The following DCC variants were observed in gnomAD, a reference collection of about 807,000 sequenced individuals.
DCC encodes netrin receptor DCC.
DCC carries 58 observed loss-of-function variants against 172.5 expected under a neutral mutation model. The ratio of observed to expected loss-of-function variants is 0.34; its 90% CI spans 0.27 to 0.42. The LOEUF (loss-of-function observed/expected upper bound fraction) is 0.42. Ranked by LOEUF, DCC falls within the 10% of genes least tolerant of loss-of-function variation. The pLI, the probability that DCC is intolerant of heterozygous loss-of-function variation, is 1.00. For missense variants in DCC, 1,740 were observed against 1,791.0 expected, an observed-to-expected ratio of 0.97 and a Z score of 0.51; for synonymous variants, 709 against 644.5, an observed-to-expected ratio of 1.10 and a Z score of -1.52.
At chr18:52,946,753 T>G (rs2040552623) in intron 5 of DCC, among the ~76,000 whole-genome samples, 1 of 152,210 alleles carries the variant, frequency 6.6e-6, no homozygotes, top group South Asian at 2.1e-4. Context: ...TCCACCCACC[T>G]TGAAAACTTG....
At chr18:52,607,846 C>A (rs2034169255) in intron 1 of DCC, among the ~76,000 whole-genome samples, 1 of 152,066 alleles carries the variant, frequency 6.6e-6, no homozygotes, top group Non-Finnish European at 1.5e-5. Flanking sequence ...GAGATCTGGG[C>A]TTCAGAGAAA....
At chr18:52,434,459 G>A (rs534382781) in intron 1 of DCC, among the ~76,000 whole-genome samples, 1 of 152,262 alleles carries the variant, frequency 6.6e-6, no homozygotes, top group African/African-American at 2.4e-5. Context: ...GAGATAAAAT[G>A]TTAAATTGCT....
chr18:53,352,293 C>T (rs542135691), intron 15 of DCC, among the ~76,000 whole-genome samples: 17 of 152,218 alleles, frequency 1.1e-4, no homozygotes, highest in Admixed American at 7.2e-4. Flanking sequence ...GAGCTGGATT[C>T]ATAGCCAACT....
chr18:53,093,800 G>A (rs1951358247), intron 7 of DCC, among the ~76,000 whole-genome samples: 1 of 152,126 alleles, frequency 6.6e-6, no homozygotes, highest in Admixed American at 6.5e-5. Flanking sequence ...AGACACTAAA[G>A]AGCTTCATCT....
At chr18:52,490,794 C>A (rs1417640603) in intron 1 of DCC, among the ~76,000 whole-genome samples, 1 of 152,058 alleles carries the variant, frequency 6.6e-6, no homozygotes, top group Non-Finnish European at 1.5e-5. Context: ...AAGACCCCAC[C>A]TCTTGTGAGG....
At chr18:53,153,649 ATAT>A (rs1296315125) in intron 7 of DCC, among the ~76,000 whole-genome samples, 4 of 152,216 alleles carry the variant, frequency 2.6e-5, no homozygotes, top group Admixed American at 2.6e-4. Context: ...ATGCTTTTTA[ATAT>A]TATGTTACTT....
intron 7 of DCC, among the ~76,000 whole-genome samples, chr18:53,074,449 C>T (rs1260955605): frequency 1.3e-5 from 2 of 152,096 alleles, no homozygotes; most frequent in African/African-American, 4.8e-5. Flanking sequence ...TTCCCTAGAA[C>T]GTTTTCCTTT....
intron 14 of DCC, among the ~76,000 whole-genome samples, chr18:53,330,594 G>A (rs762387086): frequency 2.6e-5 from 4 of 152,024 alleles, no homozygotes; most frequent in Non-Finnish European, 5.9e-5. Flanking sequence ...ATGTCAGTTC[G>A]CTGCTCAGAT....
intron 1 of DCC, among the ~76,000 whole-genome samples, chr18:52,387,622 CCTTCCTTCCTTCTG>C: frequency 6.6e-6 from 1 of 151,292 alleles, no homozygotes; most frequent in Admixed American, 6.6e-5. Context: ...TTCCTTCCTT[CCTTCCTTCCTTCTG>C]TCCTTCCAGC....
chr18:52,976,623 T>G (rs2041123592), intron 5 of DCC, among the ~76,000 whole-genome samples: 1 of 152,240 alleles, frequency 6.6e-6, no homozygotes, highest in African/African-American at 2.4e-5. Flanking sequence ...AATCTCTCCC[T>G]TTCACAAATA....
chr18:52,652,453 C>G (rs571127571), intron 1 of DCC, among the ~76,000 whole-genome samples: 1 of 152,112 alleles, frequency 6.6e-6, no homozygotes, highest in East Asian at 1.9e-4. Flanking sequence ...CATTGGAATT[C>G]CTTCAATAAC....
chr18:52,712,380 G>T (rs1408145814), intron 1 of DCC, among the ~76,000 whole-genome samples: 1 of 152,076 alleles, frequency 6.6e-6, no homozygotes, highest in South Asian at 2.1e-4. Flanking sequence ...GTAATCGTTA[G>T]CAACCATTTG....
intron 15 of DCC, among the ~76,000 whole-genome samples, chr18:53,357,001 C>G (rs9945787): frequency 1 from 152,012 of 152,298 alleles, 75,864 homozygotes; most frequent in Middle Eastern, 1. Flanking sequence ...TCCAAAGTCT[C>G]AAAATTACTG....
chr18:53,402,103 T>C (rs990850420), intron 18 of DCC, among the ~76,000 whole-genome samples: 1 of 152,216 alleles, frequency 6.6e-6, no homozygotes, highest in African/African-American at 2.4e-5. Flanking sequence ...TAAAAACTTT[T>C]TGGCTTTTAA....
chr18:53,258,345 A>G (rs2144675204), intron 12 of DCC, among the ~76,000 whole-genome samples: 1 of 152,200 alleles, frequency 6.6e-6, no homozygotes, highest in South Asian at 2.1e-4. Flanking sequence ...TCTGGTGGGC[A>G]TTTAGTGCTA....
intron 5 of DCC, among the ~76,000 whole-genome samples, chr18:53,012,669 T>A (rs979785284): frequency 6.6e-6 from 1 of 152,116 alleles, no homozygotes; most frequent in Non-Finnish European, 1.5e-5. Flanking sequence ...TTTTGCCAAA[T>A]GTAAATTATG....
intron 24 of DCC, among the ~76,000 whole-genome samples, chr18:53,459,935 G>T (rs1455057571): frequency 2.7e-5 from 4 of 150,680 alleles, no homozygotes; most frequent in Admixed American, 2.0e-4. Flanking sequence ...TGAATATTCT[G>T]TTACTTTGGC....
At chr18:53,446,124 A>AAAAAAAAAAAAAAAAAAAAAAAC (rs369426007) in intron 22 of DCC, among the ~76,000 whole-genome samples, 6 of 117,284 alleles carry the variant, frequency 5.1e-5, no homozygotes, top group Non-Finnish European at 7.4e-5. Flanking sequence ...ACAAAAAAAA[A>AAAAAAAAAAAAAAAAAAAAAAAC]CACTTAAAAA....
Position 52,340,394 on chromosome 18 carries a change from A to C in DCC, c.-394A>C, listed in dbSNP as rs746079721. ...CAACCTTTTAATGCACAGCCCGGCC[A>C]CAGGATTGCCTTCCATCTCCTCTTG... On this transcript the variant is annotated 5_prime_UTR_variant, in exon 1 of 29. Coordinates refer to ENST00000442544, the MANE Select transcript of DCC (RefSeq NM_005215.4). 4.1e-5 allele frequency: 11 copies of C among 265,530 alleles called. No individual in the cohort carries two copies. Among genetic ancestry groups the C allele is most frequent in the Non-Finnish European group, 5.1e-5 (7 of 136,070 alleles). The allele number at this position is 265,530 out of a possible 1,614,324, so 16.4% of individuals were successfully genotyped here.
Sources: gnomAD v4.1 joint callset for allele counts (sites outside exome capture counted in the v4.1 genomes callset) on GRCh38, gnomAD v4.1.1 for gene constraint, MANE v1.5 for transcripts, NCBI Gene and HGNC (gene_info 2026-07-23, HGNC 2026-07-21) for gene names.